FAM78B: variants seen among roughly 807,000 people sequenced by gnomAD.
FAM78B encodes the protein family with sequence similarity 78 member B, also known as protein FAM78B.
A neutral mutation model predicts 20.0 loss-of-function variants in FAM78B; 10 were observed. That is an observed-to-expected ratio of 0.50 (90% CI 0.31 to 0.85). The LOEUF is 0.85. FAM78B is among the 40% of genes least tolerant of loss of function. The probability of loss-of-function intolerance (pLI) is 0.05; values close to 1 mark genes in which losing one functional copy is unlikely to be tolerated. For synonymous variants in FAM78B, 135 were observed against 132.8 expected (o/e 1.02, Z -0.12); for missense variants, 283 against 345.0 (o/e 0.82, Z 1.42).
chr1:166,107,292 A>C (rs1221592491), intron 1 of FAM78B, among the ~76,000 whole-genome samples: 2 of 152,118 alleles, frequency 1.3e-5, no homozygotes, highest in Non-Finnish European at 2.9e-5. Context: ...AATCCAAATA[A>C]CCTCACTAAG....
At chr1:166,077,821 TATAA>T (rs376244964) in intron 1 of FAM78B, among the ~76,000 whole-genome samples, 13,095 of 112,602 alleles carry the variant, frequency 0.12, 1,351 homozygotes, top group East Asian at 0.26. Flanking sequence ...GTAGATTATA[TATAA>T]ATATATATAA....
chr1:166,117,159 C>T (rs562033197), intron 1 of FAM78B, among the ~76,000 whole-genome samples: 325 of 152,196 alleles, frequency 2.1e-3, no homozygotes, highest in Middle Eastern at 6.8e-3. Context: ...CTGTTTTCCC[C>T]CTTAGTTTAA....
At chr1:166,071,596 T>C (rs997400512) in intron 1 of FAM78B, among the ~76,000 whole-genome samples, 11 of 152,274 alleles carry the variant, frequency 7.2e-5, no homozygotes, top group Non-Finnish European at 1.3e-4. Context: ...CTGATACTTA[T>C]TGAGTGTTAC....
At chr1:166,061,236 G>C (rs1447548353) in intron 2 of FAM78B, among the ~76,000 whole-genome samples, 2 of 152,194 alleles carry the variant, frequency 1.3e-5, no homozygotes, top group African/African-American at 4.8e-5. Context: ...CCATAACAAA[G>C]TGGGTGAACT....
At chr1:166,091,988 G>A (rs192936369) in intron 1 of FAM78B, among the ~76,000 whole-genome samples, 2 of 151,260 alleles carry the variant, frequency 1.3e-5, no homozygotes, top group East Asian at 2.0e-4. Flanking sequence ...AAGACAGCAG[G>A]AGAACCTGGA....
At chr1:166,111,025 T>C (rs942270145) in intron 1 of FAM78B, among the ~76,000 whole-genome samples, 2 of 152,178 alleles carry the variant, frequency 1.3e-5, no homozygotes, top group Non-Finnish European at 2.9e-5. Flanking sequence ...CAATATGAAC[T>C]ACCATCTTGG....
intron 1 of FAM78B, among the ~76,000 whole-genome samples, chr1:166,081,758 CTG>C (rs1557892556): frequency 6.6e-6 from 1 of 152,162 alleles, no homozygotes; most frequent in East Asian, 1.9e-4. Context: ...GCAGAGGAAA[CTG>C]GGGCTGGAGG....
chr1:166,133,623 A>G (rs946821701), intron 1 of FAM78B, among the ~76,000 whole-genome samples: 1 of 152,102 alleles, frequency 6.6e-6, no homozygotes, highest in Non-Finnish European at 1.5e-5. Flanking sequence ...AGAACCGTAA[A>G]TATAATGTGA....
chr1:166,077,873 A>AT (rs1343223802), intron 1 of FAM78B, among the ~76,000 whole-genome samples: 250 of 3,500 alleles, frequency 0.071, 15 homozygotes, highest in Non-Finnish European at 0.23. Context: ...TATATATATA[A>AT]TTATATATAT....
At chr1:166,105,077 C>G (rs1332129379) in intron 1 of FAM78B, among the ~76,000 whole-genome samples, 1 of 152,018 alleles carries the variant, frequency 6.6e-6, no homozygotes, top group Non-Finnish European at 1.5e-5. Context: ...TGATCTTTGA[C>G]AAACCTGACA....
chr1:166,097,373 G>A (rs1289234523), intron 1 of FAM78B, among the ~76,000 whole-genome samples: 1 of 152,242 alleles, frequency 6.6e-6, no homozygotes, highest in Non-Finnish European at 1.5e-5. Context: ...GAACTCAGGG[G>A]AGGGTGCAAA....
chr1:166,109,686 TA>T (rs1653920990), intron 1 of FAM78B, among the ~76,000 whole-genome samples: 1 of 150,550 alleles, frequency 6.6e-6, no homozygotes, highest in Non-Finnish European at 1.5e-5. Context: ...AAAGAGTCAT[TA>T]TTTGAAAAAT....
At chr1:166,115,027 G>A (rs1654203173) in intron 1 of FAM78B, among the ~76,000 whole-genome samples, 1 of 152,184 alleles carries the variant, frequency 6.6e-6, no homozygotes, top group Non-Finnish European at 1.5e-5. Context: ...GGAGGAGCAT[G>A]TGGTATGACT....
intron 1 of FAM78B, among the ~76,000 whole-genome samples, chr1:166,101,476 A>C (rs1653514145): frequency 6.6e-6 from 1 of 152,208 alleles, no homozygotes; most frequent in Admixed American, 6.5e-5. Flanking sequence ...AAATTAGATG[A>C]ATGGCTAACT....
intron 2 of FAM78B, among the ~76,000 whole-genome samples, chr1:166,064,185 G>C (rs1346792772): frequency 2.0e-5 from 3 of 152,178 alleles, no homozygotes; most frequent in African/African-American, 7.2e-5. Flanking sequence ...CCAGTGTGGT[G>C]AGACAGCCTG....
At chr1:166,140,077 C>T (rs1042968099) in intron 1 of FAM78B, among the ~76,000 whole-genome samples, 2 of 152,222 alleles carry the variant, frequency 1.3e-5, no homozygotes, top group South Asian at 2.1e-4. Context: ...TTAGAGCACA[C>T]GTTTCTGAAG....
intron 1 of FAM78B, among the ~76,000 whole-genome samples, chr1:166,121,994 A>C (rs181826041): frequency 2.4e-4 from 37 of 152,358 alleles, no homozygotes; most frequent in Non-Finnish European, 4.0e-4. Flanking sequence ...CTCATGGCCT[A>C]TATTCATGAA....
At chr1:166,149,330 T>C (rs1655592766) in intron 1 of FAM78B, among the ~76,000 whole-genome samples, 1 of 152,196 alleles carries the variant, frequency 6.6e-6, no homozygotes, top group South Asian at 2.1e-4. Flanking sequence ...TTAAACTCCA[T>C]CCTTTGAGGA....
intron 1 of FAM78B, among the ~76,000 whole-genome samples, chr1:166,083,902 G>A (rs1198719871): frequency 6.7e-6 from 1 of 149,796 alleles, no homozygotes; most frequent in Non-Finnish European, 1.5e-5. Flanking sequence ...TATTATTATG[G>A]GTATTGCTCA....
Sources: gnomAD v4.1 joint callset for allele counts (sites outside exome capture counted in the v4.1 genomes callset) on GRCh38, gnomAD v4.1.1 for gene constraint, MANE v1.5 for transcripts, NCBI Gene and HGNC (gene_info 2026-07-23, HGNC 2026-07-21) for gene names.